The following DAB1 variants were observed in gnomAD, a reference collection of about 807,000 sequenced individuals.
The protein encoded by DAB1 is disabled homolog 1.
Under a neutral mutation model 64.6 loss-of-function variants are expected in DAB1, and 15 were observed. The ratio of observed to expected loss-of-function variants is 0.23; its 90% CI spans 0.16 to 0.36. The LOEUF (loss-of-function observed/expected upper bound fraction) is 0.36. Ranked by LOEUF, DAB1 falls within the 10% of genes least tolerant of loss-of-function variation. DAB1 has a pLI of 1.00. For missense variants in DAB1, 596 were observed against 706.7 expected, an observed-to-expected ratio of 0.84 and a Z score of 1.78; for synonymous variants, 235 against 251.9, an observed-to-expected ratio of 0.93 and a Z score of 0.64.
chr1:57,746,931 T>C (rs1648303209), intron 6 of DAB1, among the ~76,000 whole-genome samples: 2 of 152,138 alleles, frequency 1.3e-5, no homozygotes. Flanking sequence ...ATTTGCCCTG[T>C]GTTATATATG....
chr1:58,093,525 C>T (rs747599244), intron 5 of DAB1, among the ~76,000 whole-genome samples: 3 of 151,990 alleles, frequency 2.0e-5, no homozygotes, highest in Admixed American at 6.6e-5. Flanking sequence ...AGTTTGCATG[C>T]TCCTTATGAG....
intron 6 of DAB1, among the ~76,000 whole-genome samples, chr1:57,722,674 A>T (rs1020575663): frequency 3.9e-5 from 6 of 152,152 alleles, no homozygotes; most frequent in Non-Finnish European, 7.4e-5. Context: ...TTGCAATGTC[A>T]TTTCACACCT....
chr1:58,406,953 G>T (rs961923709), intron 3 of DAB1, among the ~76,000 whole-genome samples: 6 of 152,126 alleles, frequency 3.9e-5, no homozygotes, highest in Non-Finnish European at 2.9e-5. Flanking sequence ...TTTCTAGTTG[G>T]TGACAGTGGC....
At chr1:57,674,804 C>T (rs1010632013) in intron 6 of DAB1, among the ~76,000 whole-genome samples, 3 of 152,122 alleles carry the variant, frequency 2.0e-5, no homozygotes, top group Non-Finnish European at 4.4e-5. Flanking sequence ...TTGGAGACCC[C>T]AAGAATAACT....
chr1:58,360,883 TTTTA>T (rs1390857467), intron 3 of DAB1, among the ~76,000 whole-genome samples: 6 of 152,244 alleles, frequency 3.9e-5, no homozygotes, highest in African/African-American at 1.4e-4. Flanking sequence ...ATTGTTTATT[TTTTA>T]TTTCTTACAA....
chr1:57,378,475 C>T (rs1681089013), intron 1 of DAB1, among the ~76,000 whole-genome samples: 1 of 152,174 alleles, frequency 6.6e-6, no homozygotes, highest in Non-Finnish European at 1.5e-5. Context: ...AATAAAGCCA[C>T]CCATTCTGCC....
chr1:57,929,835 G>T (rs1305414731), intron 5 of DAB1, among the ~76,000 whole-genome samples: 1 of 152,088 alleles, frequency 6.6e-6, no homozygotes. Flanking sequence ...AATTGGTTTG[G>T]TCTTGCAAGA....
chr1:57,049,480 A>G (rs1648944931), intron 9 of DAB1, among the ~76,000 whole-genome samples: 1 of 139,462 alleles, frequency 7.2e-6, no homozygotes, highest in Non-Finnish European at 1.6e-5. Context: ...AAAAAAAAGA[A>G]GTTAGAGACG....
At chr1:58,485,228 T>TA (rs71043289) in intron 3 of DAB1, among the ~76,000 whole-genome samples, 3,502 of 41,952 alleles carry the variant, frequency 0.083, 337 homozygotes, top group East Asian at 0.26. Flanking sequence ...AGTCTACTAC[T>TA]AAAAAAAAAA....
At chr1:57,473,500 C>CA (rs947551018) in intron 7 of DAB1, among the ~76,000 whole-genome samples, 2 of 152,112 alleles carry the variant, frequency 1.3e-5, no homozygotes, top group African/African-American at 4.8e-5. Context: ...GTAAAGTCAC[C>CA]AAAAAATCAT....
intron 7 of DAB1, among the ~76,000 whole-genome samples, chr1:57,469,010 G>A (rs1377793497): frequency 6.6e-6 from 1 of 152,182 alleles, no homozygotes; most frequent in Non-Finnish European, 1.5e-5. Context: ...AATCATGTTA[G>A]TGATAAGATG....
At chr1:57,186,606 G>C (rs959802955) in intron 2 of DAB1, among the ~76,000 whole-genome samples, 2 of 152,190 alleles carry the variant, frequency 1.3e-5, no homozygotes, top group Non-Finnish European at 2.9e-5. Context: ...AATCCGCAAA[G>C]AGGGACCCTT....
chr1:57,152,822 A>G (rs991719875), intron 2 of DAB1, among the ~76,000 whole-genome samples: 5 of 152,222 alleles, frequency 3.3e-5, no homozygotes, highest in Non-Finnish European at 7.3e-5. Context: ...GGTTGTCCAC[A>G]TATGTTAAAT....
At chr1:57,287,408 C>T (rs76170808) in intron 2 of DAB1, among the ~76,000 whole-genome samples, 2,278 of 152,206 alleles carry the variant, frequency 0.015, 64 homozygotes, top group African/African-American at 0.051. Flanking sequence ...TTAAACATAA[C>T]TTAAATGTAA....
chr1:58,387,360 C>A (rs1644441000), intron 3 of DAB1, among the ~76,000 whole-genome samples: 1 of 152,144 alleles, frequency 6.6e-6, no homozygotes, highest in Admixed American at 6.5e-5. Flanking sequence ...TAGTCAATAA[C>A]CCAATGGAGT....
At chr1:57,192,377 A>G (rs1249906079) in intron 2 of DAB1, among the ~76,000 whole-genome samples, 2 of 151,416 alleles carry the variant, frequency 1.3e-5, no homozygotes, top group Non-Finnish European at 1.5e-5. Context: ...CACTGCATCT[A>G]TACAAATCCC....
At chr1:57,567,406 A>G (rs1042835870) in intron 7 of DAB1, among the ~76,000 whole-genome samples, 14 of 152,186 alleles carry the variant, frequency 9.2e-5, no homozygotes, top group African/African-American at 3.4e-4. Context: ...TATTCAACAT[A>G]GTGTTGGAAG....
At chr1:58,104,673 A>G (rs1651530537) in intron 5 of DAB1, among the ~76,000 whole-genome samples, 1 of 152,224 alleles carries the variant, frequency 6.6e-6, no homozygotes, top group Non-Finnish European at 1.5e-5. Flanking sequence ...ACATATTTAA[A>G]TCCATTGGAG....
chr1:57,233,274 T>TTG (rs1397110082), intron 2 of DAB1, among the ~76,000 whole-genome samples: 43 of 82,558 alleles, frequency 5.2e-4, no homozygotes, highest in Non-Finnish European at 1.1e-3. Context: ...TTTTTTTTTT[T>TTG]TTTTTTGAGA....
Sources: allele counts gnomAD v4.1 joint callset (sites outside exome capture counted in the v4.1 genomes callset), GRCh38; gene constraint gnomAD v4.1.1; transcripts MANE v1.5; gene names NCBI Gene and HGNC (gene_info 2026-07-23, HGNC 2026-07-21).